CALD1: variants seen among roughly 807,000 people sequenced by gnomAD.
CALD1 encodes the protein caldesmon.
CALD1 carries 33 observed loss-of-function variants against 99.9 expected under a neutral mutation model. That is an observed-to-expected ratio of 0.33 (90% CI 0.25 to 0.44). The LOEUF is 0.44. Ranked by LOEUF, CALD1 falls within the 20% of genes least tolerant of loss-of-function variation. The pLI is 1.00. For synonymous variants in CALD1, 310 were observed against 325.0 expected, an observed-to-expected ratio of 0.95 and a Z score of 0.50; for missense variants, 861 against 962.1, an observed-to-expected ratio of 0.89 and a Z score of 1.39.
At chr7:134,832,089 G>T (rs1415741441) in intron 1 of CALD1, among the ~76,000 whole-genome samples, 5 of 152,200 alleles carry the variant, frequency 3.3e-5, no homozygotes, top group African/African-American at 1.2e-4. Context: ...TGAGAAATGC[G>T]CACGCGCAGT....
chr7:134,733,996 A>G, the CALD1 span, among the ~76,000 whole-genome samples: 2 of 151,626 alleles, frequency 1.3e-5, no homozygotes, highest in Admixed American at 1.3e-4. Flanking sequence ...CATATATTAT[A>G]TAGTTATTTA....
the CALD1 span, among the ~76,000 whole-genome samples, chr7:134,718,936 A>G: frequency 6.6e-6 from 1 of 152,344 alleles, no homozygotes; most frequent in Non-Finnish European, 1.5e-5. Context: ...GTTGAATGAA[A>G]TAATTACCTT....
At chr7:134,940,052 A>C (rs1270744767) in intron 6 of CALD1, among the ~76,000 whole-genome samples, 1 of 151,980 alleles carries the variant, frequency 6.6e-6, no homozygotes, top group Non-Finnish European at 1.5e-5. Context: ...TCAGGATAGA[A>C]CCTCCTAGGC....
intron 2 of CALD1, among the ~76,000 whole-genome samples, chr7:134,859,149 TTTTTCAGGGATAGGGGTCTA>T (rs1413470500): frequency 2.0e-5 from 3 of 152,240 alleles, no homozygotes; most frequent in African/African-American, 7.2e-5. Context: ...TCTCCCTGGC[TTTTTCAGGGATAGGGGTCTA>T]CCCTTTCCAT....
At chr7:134,821,241 A>G (rs1798761047) in intron 1 of CALD1, among the ~76,000 whole-genome samples, 1 of 152,030 alleles carries the variant, frequency 6.6e-6, no homozygotes, top group Non-Finnish European at 1.5e-5. Context: ...TCTAGTGATA[A>G]TATCTGTAGT....
chr7:134,960,219 C>T, intron 12 of CALD1, 108 bp downstream of exon 12: 3 of 1,295,504 alleles, frequency 2.3e-6, no homozygotes, highest in Non-Finnish European at 3.3e-6. Flanking sequence ...GAAGAAGGTG[C>T]AATTTGTACT....
At chr7:134,740,136 C>T (rs1481745397), upstream of CALD1, among the ~76,000 whole-genome samples, 2 of 151,994 alleles carry the variant, frequency 1.3e-5, no homozygotes, top group Admixed American at 6.6e-5. Context: ...AACAATCATA[C>T]CCAAAATGAT....
At chr7:134,754,024 C>T (rs565449319) in intron 1 of CALD1, among the ~76,000 whole-genome samples, 154 of 152,298 alleles carry the variant, frequency 1.0e-3, no homozygotes, top group Non-Finnish European at 1.8e-3. Flanking sequence ...TCTCCACAGG[C>T]AGCCCTGACC....
At chr7:134,795,507 A>G (rs1044625379) in intron 1 of CALD1, among the ~76,000 whole-genome samples, 3 of 152,250 alleles carry the variant, frequency 2.0e-5, no homozygotes, top group Non-Finnish European at 4.4e-5. Context: ...CATTATTACC[A>G]GAGTGAGAAC....
chr7:134,881,548 T>A (rs946808603), intron 3 of CALD1, among the ~76,000 whole-genome samples: 2 of 152,142 alleles, frequency 1.3e-5, no homozygotes, highest in Admixed American at 1.3e-4. Context: ...GTAATGCGCA[T>A]GACGTACGTT....
At chr7:134,767,520 T>C (rs1793913282) in intron 1 of CALD1, among the ~76,000 whole-genome samples, 1 of 152,214 alleles carries the variant, frequency 6.6e-6, no homozygotes, top group Non-Finnish European at 1.5e-5. Context: ...ATGCCTGCAA[T>C]GCAAAGCCAA....
intron 6 of CALD1, among the ~76,000 whole-genome samples, chr7:134,936,145 C>A (rs534985832): frequency 2.0e-5 from 3 of 152,172 alleles, no homozygotes; most frequent in Non-Finnish European, 2.9e-5. Flanking sequence ...ATTCTACTTT[C>A]ATTTCAATCA....
In CALD1 at chr7:134,965,329, C is replaced by A; in HGVS notation, c.2319C>A (p.Ser773=). Residue 773 remains serine (S), a synonymous_variant, in exon 14 of 15, where the codon TCC becomes TCA. Coordinates refer to ENST00000361675, the MANE Select transcript of CALD1 (RefSeq NM_033138.4). ...AGGACTTGAGACCAGGAGACGTATCCAGCAAGCGGAACCTCTGGGAAAAGC... is the reference window on the plus strand; with the variant it reads ...AGGACTTGAGACCAGGAGACGTATCAAGCAAGCGGAACCTCTGGGAAAAGC... The part of the protein sequence containing the change: ...KPSDLRPGDV[S]SKRNLWEKQS... The A allele has an allele frequency of 6.3e-7, 1 of 1,591,598 alleles. No individual in the cohort carries two copies. The highest frequency in any genetic ancestry group is 8.6e-7 in the Non-Finnish European group (1 of 1,159,566).
intron 6 of CALD1, among the ~76,000 whole-genome samples, chr7:134,938,312 T>C (rs1224074318): frequency 2.0e-5 from 3 of 152,224 alleles, no homozygotes; most frequent in African/African-American, 7.2e-5. Flanking sequence ...ATCTCAGTTC[T>C]TGCTTGCTTG....
chr7:134,924,370 T>G (rs1316533508), intron 3 of CALD1, among the ~76,000 whole-genome samples: 1 of 152,170 alleles, frequency 6.6e-6, no homozygotes, highest in Non-Finnish European at 1.5e-5. Context: ...TCAGGGTACT[T>G]TTTTTTCAAT....
chr7:134,828,582 G>A (rs192651880), intron 1 of CALD1, among the ~76,000 whole-genome samples: 4 of 152,196 alleles, frequency 2.6e-5, no homozygotes, highest in African/African-American at 9.6e-5. Flanking sequence ...TTGAGCTCTG[G>A]ATTCACTACA....
chr7:134,731,372 G>T, the CALD1 span, among the ~76,000 whole-genome samples: 1 of 152,152 alleles, frequency 6.6e-6, no homozygotes, highest in East Asian at 1.9e-4. Context: ...TCTTTGAAAA[G>T]TCAACTTGTC....
chr7:134,888,091 G>C (rs987170310), intron 3 of CALD1, among the ~76,000 whole-genome samples: 1 of 152,162 alleles, frequency 6.6e-6, no homozygotes, highest in Non-Finnish European at 1.5e-5. Context: ...CTTAATAAAG[G>C]ACCACCCTGT....
In CALD1 at chr7:134,969,616, A is replaced by G. The variant is rs917514186; in HGVS notation, c.*1271A>G. On this transcript the variant is annotated 3_prime_UTR_variant, in exon 15 of 15. Coordinates refer to ENST00000361675, the MANE Select transcript of CALD1 (RefSeq NM_033138.4). Reference sequence around the variant, plus strand: ...CTTTGATCTTTATATACTCTGAAGCATTTCTTCAAACTTTTCTACTTTTAT... The same window carrying G: ...CTTTGATCTTTATATACTCTGAAGCGTTTCTTCAAACTTTTCTACTTTTAT... 4 of 145,984 alleles carry G rather than the reference A, an allele frequency of 2.7e-5. No individual in the cohort carries two copies. The highest frequency in any genetic ancestry group is 9.9e-5 in the African/African-American group (4 of 40,316). 9.0% of individuals were successfully genotyped at this position (145,984 alleles called of 1,614,324 possible).
Sources: allele counts gnomAD v4.1 joint callset (sites outside exome capture counted in the v4.1 genomes callset), GRCh38; gene constraint gnomAD v4.1.1; transcripts MANE v1.5; gene names NCBI Gene and HGNC (gene_info 2026-07-23, HGNC 2026-07-21).